Variants in MNT observed in about 807,000 individuals in gnomAD.
MNT encodes max-binding protein MNT.
A neutral mutation model predicts 40.7 loss-of-function variants in MNT; 13 were observed. The ratio of observed to expected loss-of-function variants is 0.32; its 90% CI spans 0.21 to 0.51. The LOEUF (loss-of-function observed/expected upper bound fraction) is 0.51, where lower values mean the gene tolerates loss of function less well. Among genes scored for constraint, MNT ranks in the 20% least tolerant of loss-of-function variants. The probability of loss-of-function intolerance (pLI) is 0.98; values close to 1 mark genes in which losing one functional copy is unlikely to be tolerated. For synonymous variants in MNT, 426 were observed against 354.8 expected, an observed-to-expected ratio of 1.20 and a Z score of -2.26; for missense variants, 757 against 792.0, an observed-to-expected ratio of 0.96 and a Z score of 0.53.
rs1017434462 is a variant in MNT, at chr17:2,399,010, C to T, written c.73+1630G>A. ...CCTTGCCCGCTGCCGCTCCCCCCTTCCCCCACCCCCGCCCGCCGCGGCGGC... is the reference window on the plus strand; with the variant it reads ...CCTTGCCCGCTGCCGCTCCCCCCTTTCCCCACCCCCGCCCGCCGCGGCGGC... On this transcript the variant is annotated intron_variant, in intron 1 of 5. Coordinates refer to ENST00000174618, the MANE Select transcript of MNT (RefSeq NM_020310.3). Among the ~76,000 whole-genome samples the T allele has an allele frequency of 4.0e-4, 60 of 149,040 alleles. 1 individual carries two copies. Among genetic ancestry groups the T allele is most frequent in the Non-Finnish European group, 6.9e-4 (46 of 67,008 alleles).
chr17:2,396,146 CAG>C (rs1229015375), intron 1 of MNT, among the ~76,000 whole-genome samples: 4 of 152,218 alleles, frequency 2.6e-5, no homozygotes, highest in Non-Finnish European at 4.4e-5. Flanking sequence ...ATGGGCAGGA[CAG>C]GGACATCACC....
At chr17:2,394,799 C>T (rs1324324968) in intron 2 of MNT, 76 bp downstream of exon 2, 3 of 1,102,364 alleles carry the variant, frequency 2.7e-6, no homozygotes, top group South Asian at 2.8e-5. Context: ...GGGAGGGCAC[C>T]TTGTCTTGCA....
intron 4 of MNT, 80 bp downstream of exon 4, chr17:2,393,963 C>A (rs2151670000): frequency 1.1e-6 from 1 of 922,722 alleles, no homozygotes; most frequent in South Asian, 2.3e-5. Context: ...GGCGTGAGGG[C>A]GGGGCGGGGC....
intron 4 of MNT, chr17:2,392,078 C>G (rs529034790): frequency 6.6e-5 from 10 of 152,434 alleles, no homozygotes; most frequent in Non-Finnish European, 1.3e-4. Flanking sequence ...TCAGGAACAG[C>G]TATCCTCCCT....
chr17:2,392,369 GCTC>G (rs1482598665), intron 4 of MNT, among the ~76,000 whole-genome samples: 6 of 152,176 alleles, frequency 3.9e-5, no homozygotes, highest in South Asian at 2.1e-4. Flanking sequence ...ACCGGGCCCA[GCTC>G]CTCAAGAGCT....
chr17:2,384,579 G>C lies in MNT; in HGVS notation c.*2322C>G, dbSNP rs1327629521. The C allele has an allele frequency of 6.8e-6, 1 of 146,900 alleles. No homozygotes were observed. Among genetic ancestry groups the C allele is most frequent in the African/African-American group, 2.5e-5 (1 of 39,408 alleles). The allele number at this position is 146,900 out of a possible 1,614,324, so 9.1% of individuals were successfully genotyped here. On this transcript the variant is annotated 3_prime_UTR_variant, in exon 6 of 6. Transcript: ENST00000174618. ...AAGGTAAAACACGCATGAGAGGTAA[G>C]ATGTGTGCGTGTGCGTGCGTGTGTG...
At chr17:2,400,545 G>T in intron 1 of MNT, 95 bp downstream of exon 1, 1 of 1,273,302 alleles carries the variant, frequency 7.9e-7, no homozygotes. Context: ...GGCCGCCCGG[G>T]AGGGGGCCCT....
rs953294535 is a variant in MNT, at chr17:2,384,403, G to C, written c.*2498C>G. The C allele has an allele frequency of 2.6e-5, 4 of 152,490 alleles. No homozygotes were observed. Among genetic ancestry groups the C allele is most frequent in the Non-Finnish European group, 5.9e-5 (4 of 68,020 alleles). 9.4% of individuals were successfully genotyped at this position (152,490 alleles called of 1,614,324 possible). A position where few individuals can be genotyped will look rare whatever the true frequency, so the allele number is the denominator to read the frequency against. On this transcript the variant is annotated 3_prime_UTR_variant, in exon 6 of 6. Coordinates refer to ENST00000174618, the MANE Select transcript of MNT (RefSeq NM_020310.3). ...TGGGGGTGGGACCCTGGGATGGGGG[G>C]AGAAGCAGCTGTTTCTGGAGAGAGA...
At position 2,394,173 on chromosome 17, in the gene MNT, G is replaced by T; in HGVS notation, c.696-19C>A. On this transcript the variant is annotated intron_variant, in intron 3 of 5. Coordinates refer to ENST00000174618, the MANE Select transcript of MNT (RefSeq NM_020310.3). ...GGCCCTCCTGAAGAGAGGGGCGAGC[G>T]CCGGTCAGCGGTGCCTGGGGCGGGG... The T allele has an allele frequency of 6.2e-7, 1 of 1,605,064 alleles. No individual in the cohort carries two copies. The highest frequency in any genetic ancestry group is 8.5e-7 in the Non-Finnish European group (1 of 1,175,486).
At chr17:2,393,398 C>T (rs2066541772) in intron 4 of MNT, among the ~76,000 whole-genome samples, 1 of 152,208 alleles carries the variant, frequency 6.6e-6, no homozygotes, top group African/African-American at 2.4e-5. Context: ...GACACCCCCT[C>T]TTCCTAGCCC....
At chr17:2,387,726 G>T in intron 5 of MNT, 77 bp from the exon 6 acceptor site, 1 of 1,578,436 alleles carries the variant, frequency 6.3e-7, no homozygotes, top group Non-Finnish European at 8.6e-7. Context: ...GCTCGTGGGG[G>T]CGTGGGAATG....
At chr17:2,398,098 C>T (rs2066589312) in intron 1 of MNT, among the ~76,000 whole-genome samples, 1 of 152,262 alleles carries the variant, frequency 6.6e-6, no homozygotes. Context: ...CACAGGAATT[C>T]TCCCATCTGC....
At chr17:2,394,271 A>ACGCG (rs752055869) in intron 3 of MNT, 34 bp downstream of exon 3, 2 of 1,551,604 alleles carry the variant, frequency 1.3e-6, no homozygotes, top group Non-Finnish European at 1.7e-6. Flanking sequence ...GCGCGCACGC[A>ACGCG]CGCACGCACA....
Position 2,394,729 on chromosome 17 carries a change from C to T in MNT, c.653+146G>A, listed in dbSNP as rs1163182862. 9.2e-6 allele frequency: 6 copies of T among 651,062 alleles called. No homozygotes were observed. The East Asian group carries it at 1.4e-4, about 15-fold the overall frequency. The allele number at this position is 651,062 out of a possible 1,614,324, so 40.3% of individuals were successfully genotyped here. A position where few individuals can be genotyped will look rare whatever the true frequency, so the allele number is the denominator to read the frequency against. Reference sequence around the variant, plus strand: ...AACGGGGGGCAATGGGACATTCCTTCCCAGGATAGACATGGGCACAGTGAT... The same window carrying T: ...AACGGGGGGCAATGGGACATTCCTTTCCAGGATAGACATGGGCACAGTGAT... On this transcript the variant is annotated intron_variant, in intron 2 of 5. Coordinates refer to ENST00000174618, the MANE Select transcript of MNT (RefSeq NM_020310.3).
chr17:2,394,817 C>T (rs994358962), intron 2 of MNT, 58 bp downstream of exon 2: 10 of 1,315,176 alleles, frequency 7.6e-6, no homozygotes, highest in African/African-American at 2.9e-5. Context: ...GCACACAGCC[C>T]GGGGGATGGG....
At chr17:2,394,273 GCACGCACA>G (rs1017265808) in intron 3 of MNT, 24 bp downstream of exon 3, 15 of 1,352,034 alleles carry the variant, frequency 1.1e-5, no homozygotes, top group African/African-American at 4.7e-5. Context: ...GCGCACGCAC[GCACGCACA>G]CACACACACA....
chr17:2,398,301 C>CCT (rs1308854875), intron 1 of MNT, among the ~76,000 whole-genome samples: 2 of 152,240 alleles, frequency 1.3e-5, no homozygotes, highest in African/African-American at 4.8e-5. Flanking sequence ...TGCCCTTTCC[C>CCT]CTCTCTCTCA....
chr17:2,387,544 G>A lies in MNT; in HGVS notation c.1106C>T (p.Pro369Leu), dbSNP rs2066476899. Reference protein sequence around the residue: ...PQPELLKSTLPPPSTTPAPLP... With the variant: ...PQPELLKSTLLPPSTTPAPLP... ...AGGCGCAGGGGTGGTGCTGGGGGGT[G>A]GCAGGGTGGACTTCAGCAGCTCCGG... Residue 369 changes from proline to leucine, a missense_variant, in exon 6 of 6, where the codon CCA (proline) becomes CTA (leucine). Coordinates refer to ENST00000174618, the MANE Select transcript of MNT (RefSeq NM_020310.3). 1.4e-5 allele frequency: 23 copies of A among 1,613,852 alleles called. No individual in the cohort carries two copies. Among genetic ancestry groups the A allele is most frequent in the Non-Finnish European group, 1.9e-5 (22 of 1,179,934 alleles).
chr17:2,393,165 C>T (rs1354745274), intron 4 of MNT, among the ~76,000 whole-genome samples: 1 of 134,042 alleles, frequency 7.5e-6, no homozygotes, highest in African/African-American at 2.6e-5. Flanking sequence ...GGGCTGGGAG[C>T]CCCACGTCCC....
Sources: gnomAD v4.1 joint callset for allele counts (sites outside exome capture counted in the v4.1 genomes callset) on GRCh38, gnomAD v4.1.1 for gene constraint, MANE v1.5 for transcripts, NCBI Gene and HGNC (gene_info 2026-07-23, HGNC 2026-07-21) for gene names.